The following B3GALT1 variants were observed in gnomAD, a reference collection of about 807,000 sequenced individuals.
The protein encoded by B3GALT1 is UDP-Gal:betaGlcNAc beta 1,3-galactosyltransferase, polypeptide 1.
B3GALT1 carries 10 observed loss-of-function variants against 23.2 expected under a neutral mutation model. The ratio of observed to expected loss-of-function variants is 0.43; its 90% confidence interval spans 0.27 to 0.73. The LOEUF is 0.73. Ranked by LOEUF, B3GALT1 falls within the 30% of genes least tolerant of loss-of-function variation. The probability of loss-of-function intolerance (pLI) is 0.21; values close to 1 mark genes in which losing one functional copy is unlikely to be tolerated. For synonymous variants in B3GALT1, 156 were observed against 141.5 expected (o/e 1.10, Z -0.73); for missense variants, 299 against 405.4 (o/e 0.74, Z 2.25).
chr2:167,622,488 G>A (rs952161267), intron 2 of B3GALT1, among the ~76,000 whole-genome samples: 5 of 152,030 alleles, frequency 3.3e-5, no homozygotes, highest in African/African-American at 4.8e-5. Context: ...TCTAATGACC[G>A]AATTAACCAA....
chr2:167,486,216 G>A (rs1364348393), intron 1 of B3GALT1, among the ~76,000 whole-genome samples: 4 of 151,580 alleles, frequency 2.6e-5, no homozygotes, highest in African/African-American at 9.7e-5. Flanking sequence ...AAAATTAGCT[G>A]GGTGTGGTGG....
At position 167,761,459 on chromosome 2, in the gene B3GALT1, T is replaced by G. The variant is rs1394251702; in HGVS notation, c.-351-57213T>G. 3.3e-5 allele frequency among the ~76,000 whole-genome samples: 5 copies of G among 152,194 alleles called. No homozygotes were observed. In the South Asian group the frequency reaches 1.0e-3, roughly 32 times the overall value. On this transcript the variant is annotated intron_variant, in intron 3 of 4. Coordinates refer to ENST00000392690, the MANE Select transcript of B3GALT1 (RefSeq NM_020981.4). ...ACAGCATTATCTCCTTCTCTATGTATGTGTGTATGTAATTTTACCCATTCT... is the reference window on the plus strand; with the variant it reads ...ACAGCATTATCTCCTTCTCTATGTAGGTGTGTATGTAATTTTACCCATTCT...
At chr2:167,442,099 A>G (rs1401410044) in intron 1 of B3GALT1, among the ~76,000 whole-genome samples, 1 of 146,742 alleles carries the variant, frequency 6.8e-6, no homozygotes, top group Non-Finnish European at 1.5e-5. Flanking sequence ...CTCATTGTTC[A>G]ATTCCCACCT....
intron 1 of B3GALT1, among the ~76,000 whole-genome samples, chr2:167,479,662 A>G (rs1420625749): frequency 6.6e-6 from 1 of 152,148 alleles, no homozygotes; most frequent in Non-Finnish European, 1.5e-5. Flanking sequence ...CTCCTATCTC[A>G]AAGTGATCCT....
chr2:167,598,766 C>T (rs1361784300), intron 2 of B3GALT1, among the ~76,000 whole-genome samples: 2 of 152,092 alleles, frequency 1.3e-5, no homozygotes, highest in African/African-American at 4.8e-5. Flanking sequence ...TATAATAGGG[C>T]TCTTTGCAAC....
chr2:167,448,785 A>C (rs1365142257), intron 1 of B3GALT1, among the ~76,000 whole-genome samples: 5 of 152,164 alleles, frequency 3.3e-5, no homozygotes, highest in Non-Finnish European at 5.9e-5. Context: ...ATGTAAGATG[A>C]GATTAGGATT....
chr2:167,720,101 T>C (rs1687208378), intron 3 of B3GALT1, among the ~76,000 whole-genome samples: 1 of 152,186 alleles, frequency 6.6e-6, no homozygotes, highest in South Asian at 2.1e-4. Flanking sequence ...ATGTTATATA[T>C]ATATTTTTTA....
intron 1 of B3GALT1, among the ~76,000 whole-genome samples, chr2:167,300,120 A>G (rs562797620): frequency 6.6e-6 from 1 of 152,196 alleles, no homozygotes; most frequent in South Asian, 2.1e-4. Flanking sequence ...GGCCAGGCTC[A>G]TCTTGAATTC....
chr2:167,669,581 T>C (rs1172421298), intron 3 of B3GALT1, among the ~76,000 whole-genome samples: 4 of 152,232 alleles, frequency 2.6e-5, no homozygotes, highest in Non-Finnish European at 5.9e-5. Flanking sequence ...AATCATTAAA[T>C]TTAGCTTTTG....
intron 3 of B3GALT1, among the ~76,000 whole-genome samples, chr2:167,811,606 G>T (rs1287161294): frequency 1.3e-5 from 2 of 152,030 alleles, no homozygotes; most frequent in African/African-American, 2.4e-5. Flanking sequence ...TCTCATTCAA[G>T]ATCTCATTGA....
At chr2:167,505,473 A>G (rs1699905093) in intron 2 of B3GALT1, among the ~76,000 whole-genome samples, 1 of 152,172 alleles carries the variant, frequency 6.6e-6, no homozygotes, top group African/African-American at 2.4e-5. Context: ...AAATTTATCA[A>G]TGGCCAAGTT....
intron 1 of B3GALT1, among the ~76,000 whole-genome samples, chr2:167,469,326 G>T (rs560865711): frequency 6.6e-6 from 1 of 152,132 alleles, no homozygotes; most frequent in South Asian, 2.1e-4. Context: ...CTGCTTTATG[G>T]GATTATTATG....
chr2:167,833,496 T>C (rs1046136805), intron 4 of B3GALT1, among the ~76,000 whole-genome samples: 4 of 152,228 alleles, frequency 2.6e-5, no homozygotes, highest in African/African-American at 9.6e-5. Context: ...GTTTCAGTGA[T>C]AATGAATCAG....
At chr2:167,617,477 C>A (rs1006322254) in intron 2 of B3GALT1, among the ~76,000 whole-genome samples, 1 of 151,978 alleles carries the variant, frequency 6.6e-6, no homozygotes, top group Non-Finnish European at 1.5e-5. Context: ...GCCCATTATT[C>A]CACTCCCGCC....
intron 1 of B3GALT1, among the ~76,000 whole-genome samples, chr2:167,303,682 C>CACACACACACACACACACAGAGAGAG (rs535369991): frequency 2.7e-5 from 4 of 148,722 alleles, no homozygotes; most frequent in African/African-American, 1.0e-4. Flanking sequence ...CACACACACA[C>CACACACACACACACACACAGAGAGAG]AGAGAGAGAC....
Position 167,663,596 on chromosome 2 carries a change from A to G in B3GALT1, c.-352+16630A>G, listed in dbSNP as rs536678715. 1.4e-4 allele frequency among the ~76,000 whole-genome samples: 21 copies of G among 150,128 alleles called. No individual in the cohort carries two copies. In the East Asian group the frequency reaches 3.8e-3, roughly 27 times the overall value. ...CCACCAACAGTGTAAAAGTGTTCCT[A>G]TTTCTCCACATCCTCTCCAGCACCT... On this transcript the variant is annotated intron_variant, in intron 3 of 4. Coordinates refer to ENST00000392690, the MANE Select transcript of B3GALT1 (RefSeq NM_020981.4).
intron 1 of B3GALT1, among the ~76,000 whole-genome samples, chr2:167,298,831 C>A (rs1696398922): frequency 6.6e-6 from 1 of 151,428 alleles, no homozygotes; most frequent in South Asian, 2.1e-4. Context: ...GAAAAAAATG[C>A]TTAAGAAAAT....
intron 2 of B3GALT1, among the ~76,000 whole-genome samples, chr2:167,599,590 T>A (rs1254676457): frequency 1.3e-5 from 2 of 152,220 alleles, no homozygotes; most frequent in Non-Finnish European, 2.9e-5. Flanking sequence ...TCTTCCCATA[T>A]GTCATAAGAA....
chr2:167,790,735 C>T (rs1358708391), intron 3 of B3GALT1, among the ~76,000 whole-genome samples: 1 of 152,160 alleles, frequency 6.6e-6, no homozygotes, highest in Non-Finnish European at 1.5e-5. Context: ...TGTTTGAAAG[C>T]CTGGTTAGCT....
Sources: gnomAD v4.1 joint callset for allele counts (sites outside exome capture counted in the v4.1 genomes callset) on GRCh38, gnomAD v4.1.1 for gene constraint, MANE v1.5 for transcripts, NCBI Gene and HGNC (gene_info 2026-07-23, HGNC 2026-07-21) for gene names.